BBS9: variants seen among roughly 807,000 people sequenced by gnomAD.
BBS9 encodes Bardet-Biedl syndrome 9.
Under a neutral mutation model 117.7 loss-of-function variants are expected in BBS9, and 89 were observed. The observed-to-expected ratio is 0.76, with a 90% CI of 0.64 to 0.90. The LOEUF is 0.90. Ranked by LOEUF, BBS9 falls within the 40% of genes least tolerant of loss-of-function variation. The pLI is 0.00. For missense variants in BBS9, 982 were observed against 1,042.2 expected (o/e 0.94, Z 0.80); for synonymous variants, 379 against 370.9 (o/e 1.02, Z -0.25).
chr7:33,387,849 C>A, intron 18 of BBS9, 143 bp from the exon 19 acceptor site: 1 of 905,340 alleles, frequency 1.1e-6, no homozygotes, highest in Non-Finnish European at 1.7e-6. Context: ...TACCAAATAC[C>A]ACATTGTTTT....
chr7:33,215,367 A>G (rs1788855543), intron 5 of BBS9, among the ~76,000 whole-genome samples: 1 of 152,246 alleles, frequency 6.6e-6, no homozygotes, highest in Non-Finnish European at 1.5e-5. Flanking sequence ...CTCATTTTTG[A>G]CAAAGATGCC....
intron 19 of BBS9, among the ~76,000 whole-genome samples, chr7:33,503,816 A>C (rs541727116): frequency 6.6e-6 from 1 of 152,072 alleles, no homozygotes; most frequent in African/African-American, 2.4e-5. Flanking sequence ...GGGGAGGAAC[A>C]CGATTCCAGG....
rs548140677 is a variant in BBS9 at position 33,406,377 on chromosome 7, G to A, written c.2115+18233G>A. On this transcript the variant is annotated intron_variant, in intron 19 of 22. Transcript: ENST00000242067. ...TTAGGTCTGCTTGGTGCAGAGCTGA[G>A]GTCTTTATCCAATTTGCTAGTCTGT... Among the ~76,000 whole-genome samples the A allele has an allele frequency of 3.3e-5, 5 of 152,108 alleles. No individual in the cohort carries two copies. In the East Asian group the frequency reaches 9.7e-4, roughly 29 times the overall value.
chr7:33,428,110 T>G (rs910775204), intron 19 of BBS9, among the ~76,000 whole-genome samples: 1 of 152,152 alleles, frequency 6.6e-6, no homozygotes, highest in Non-Finnish European at 1.5e-5. Flanking sequence ...CTAGACATTT[T>G]GGAGAGGAAA....
At chr7:33,257,177 TA>T (rs1400689965) in intron 5 of BBS9, 58 bp from the exon 6 acceptor site, 2 of 1,213,556 alleles carry the variant, frequency 1.6e-6, no homozygotes, top group Non-Finnish European at 2.3e-6. Flanking sequence ...TAGTGATTAA[TA>T]AAAATATTAT....
intron 16 of BBS9, among the ~76,000 whole-genome samples, chr7:33,363,611 T>G (rs2128702356): frequency 6.6e-6 from 1 of 152,266 alleles, no homozygotes; most frequent in East Asian, 1.9e-4. Flanking sequence ...TCTGGGATAA[T>G]GTTGAATAGA....
chr7:33,155,240 T>C (rs1479222061), intron 3 of BBS9, among the ~76,000 whole-genome samples: 1 of 152,234 alleles, frequency 6.6e-6, no homozygotes, highest in African/African-American at 2.4e-5. Flanking sequence ...TTTCATTTCA[T>C]TGAACCTCTT....
intron 9 of BBS9, among the ~76,000 whole-genome samples, chr7:33,316,562 T>C (rs1810549743): frequency 6.6e-6 from 1 of 152,220 alleles, no homozygotes; most frequent in African/African-American, 2.4e-5. Context: ...CATTTAGTAC[T>C]ATCAGTCTTT....
intron 14 of BBS9, among the ~76,000 whole-genome samples, chr7:33,352,305 A>T (rs1818813193): frequency 6.6e-6 from 1 of 152,052 alleles, no homozygotes; most frequent in African/African-American, 2.4e-5. Context: ...CTGCAATTTG[A>T]AAGACAGAAT....
intron 5 of BBS9, among the ~76,000 whole-genome samples, chr7:33,203,293 G>T (rs1027434051): frequency 6.6e-6 from 1 of 152,308 alleles, no homozygotes; most frequent in Non-Finnish European, 1.5e-5. Context: ...CACCTGGGAG[G>T]CTTATTGAAA....
chr7:33,572,902 G>T (rs2129141716), intron 21 of BBS9, among the ~76,000 whole-genome samples: 1 of 151,912 alleles, frequency 6.6e-6, no homozygotes, highest in Admixed American at 6.6e-5. Flanking sequence ...ATTTTATTCA[G>T]TGGTTATACT....
chr7:33,579,865 C>CA (rs1333000171), intron 21 of BBS9, among the ~76,000 whole-genome samples: 1 of 152,036 alleles, frequency 6.6e-6, no homozygotes, highest in Non-Finnish European at 1.5e-5. Context: ...GAACACCAAC[C>CA]AAAAAATGTA....
chr7:33,218,872 C>T (rs992890945), intron 5 of BBS9, among the ~76,000 whole-genome samples: 5 of 152,244 alleles, frequency 3.3e-5, no homozygotes, highest in Non-Finnish European at 5.9e-5. Flanking sequence ...CCCACTTTGG[C>T]GGCACTTGAG....
chr7:33,377,884 C>G (rs991754193), intron 17 of BBS9, among the ~76,000 whole-genome samples: 1 of 151,834 alleles, frequency 6.6e-6, no homozygotes, highest in South Asian at 2.1e-4. Flanking sequence ...TAGATCCCAG[C>G]TCTAGCTTAA....
intron 15 of BBS9, among the ~76,000 whole-genome samples, chr7:33,355,733 T>A (rs966721347): frequency 4.6e-5 from 7 of 151,938 alleles, no homozygotes; most frequent in African/African-American, 1.7e-4. Flanking sequence ...GTATTTTCCT[T>A]CTTGGGTTTA....
intron 5 of BBS9, among the ~76,000 whole-genome samples, chr7:33,250,853 A>G (rs1437710238): frequency 1.3e-5 from 2 of 152,216 alleles, no homozygotes; most frequent in Non-Finnish European, 1.5e-5. Flanking sequence ...TGGATTTACA[A>G]AGATGAGTAA....
chr7:33,569,304 G>A (rs1857390722), intron 21 of BBS9, among the ~76,000 whole-genome samples: 1 of 151,956 alleles, frequency 6.6e-6, no homozygotes, highest in Admixed American at 6.6e-5. Context: ...GTGTATGCTA[G>A]GATTAAACAA....
chr7:33,446,424 T>G (rs1201581274), intron 19 of BBS9, among the ~76,000 whole-genome samples: 1 of 152,220 alleles, frequency 6.6e-6, no homozygotes, highest in Non-Finnish European at 1.5e-5. Flanking sequence ...CTGTTTTTTT[T>G]GAAAAAGCTT....
intron 17 of BBS9, among the ~76,000 whole-genome samples, chr7:33,375,826 A>G (rs1823770253): frequency 6.6e-6 from 1 of 152,006 alleles, no homozygotes; most frequent in Non-Finnish European, 1.5e-5. Flanking sequence ...AGCTCAGGCA[A>G]TCTGCCTTCC....
Sources: gnomAD v4.1 joint callset for allele counts (sites outside exome capture counted in the v4.1 genomes callset) on GRCh38, gnomAD v4.1.1 for gene constraint, MANE v1.5 for transcripts, NCBI Gene and HGNC (gene_info 2026-07-23, HGNC 2026-07-21) for gene names.